SUPV3L1: variants seen among roughly 807,000 people sequenced by gnomAD.
SUPV3L1 encodes Suv3 like RNA helicase, also known as ATP-dependent RNA helicase SUPV3L1, mitochondrial.
In SUPV3L1, 35 loss-of-function variants were observed where a neutral mutation model predicts 70.0. That is an observed-to-expected ratio of 0.50 (90% CI 0.38 to 0.66). SUPV3L1 has a LOEUF of 0.66. Ranked by LOEUF, SUPV3L1 falls within the 30% of genes least tolerant of loss-of-function variation. SUPV3L1 has a pLI of 0.00. For missense variants in SUPV3L1, 777 were observed against 961.5 expected (o/e 0.81, Z 2.54); for synonymous variants, 364 against 341.9 (o/e 1.06, Z -0.71).
chr10:69,182,194 T>C (rs776332902), intron 1 of SUPV3L1, among the ~76,000 whole-genome samples: 12 of 152,048 alleles, frequency 7.9e-5, no homozygotes, highest in Non-Finnish European at 1.6e-4. Context: ...GGGGTCTTGC[T>C]ATGTTGCCCA....
chr10:69,181,412 T>C (rs1003487618), intron 1 of SUPV3L1, among the ~76,000 whole-genome samples: 6 of 152,208 alleles, frequency 3.9e-5, no homozygotes, highest in African/African-American at 1.2e-4. Context: ...ATCTAAAATA[T>C]AGACTACAAT....
At chr10:69,190,911 C>T (rs375812813) in intron 5 of SUPV3L1, among the ~76,000 whole-genome samples, 13 of 152,360 alleles carry the variant, frequency 8.5e-5, no homozygotes, top group African/African-American at 2.9e-4. Flanking sequence ...CTGGGGAACC[C>T]ATTAGTCCTA....
At chr10:69,207,637 T>G in intron 13 of SUPV3L1, 156 bp from the exon 14 acceptor site, 8 of 878,148 alleles carry the variant, frequency 9.1e-6, no homozygotes, top group Middle Eastern at 4.8e-4. Context: ...TAAATGTTCT[T>G]TAAAATGTAG....
Position 69,180,289 on chromosome 10 carries a change from T to A in SUPV3L1, c.-3T>A. 2 of 1,612,908 alleles carry A rather than the reference T, an allele frequency of 1.2e-6. No individual in the cohort carries two copies. The highest frequency in any genetic ancestry group is 1.1e-5 in the South Asian group (1 of 91,036). On this transcript the variant is annotated 5_prime_UTR_variant, in exon 1 of 15. Coordinates refer to ENST00000359655, the MANE Select transcript of SUPV3L1 (RefSeq NM_003171.5). ...GCCAGACAGTGTAGAACCTGCGGCC[T>A]CGATGTCCTTCTCCCGTGCCCTATT...
intron 10 of SUPV3L1, 145 bp downstream of exon 10, chr10:69,199,342 C>A: frequency 1.5e-6 from 1 of 655,564 alleles, no homozygotes; most frequent in East Asian, 2.8e-5. Flanking sequence ...GTTTGTCTTG[C>A]CTACACCTAT....
chr10:69,191,441 A>G (rs1197985884), intron 5 of SUPV3L1, among the ~76,000 whole-genome samples: 2 of 151,794 alleles, frequency 1.3e-5, no homozygotes, highest in Admixed American at 6.6e-5. Context: ...GTTGGCCAGG[A>G]TGGTCTCTAT....
At chr10:69,191,910 G>A (rs947939030) in intron 6 of SUPV3L1, 144 bp downstream of exon 6, 14 of 530,344 alleles carry the variant, frequency 2.6e-5, no homozygotes, top group Admixed American at 6.4e-5. Context: ...CAGTTCAAGC[G>A]ATTCTCCTGC....
intron 11 of SUPV3L1, among the ~76,000 whole-genome samples, chr10:69,201,142 A>G (rs143789540): frequency 2.2e-4 from 34 of 152,254 alleles, no homozygotes; most frequent in Non-Finnish European, 4.1e-4. Context: ...TGCTGGAATC[A>G]TTTCTGTAAC....
chr10:69,202,177 G>A (rs998386719), intron 11 of SUPV3L1, among the ~76,000 whole-genome samples: 1 of 152,034 alleles, frequency 6.6e-6, no homozygotes, highest in Admixed American at 6.6e-5. Context: ...ATCATCATAG[G>A]TTTTAGAAAT....
chr10:69,207,274 T>G (rs1717721265), intron 13 of SUPV3L1, among the ~76,000 whole-genome samples: 2 of 152,146 alleles, frequency 1.3e-5, no homozygotes. Flanking sequence ...CCCTTGAACT[T>G]CTGCTGCACA....
At chr10:69,188,806 G>A (rs1442624241) in intron 4 of SUPV3L1, among the ~76,000 whole-genome samples, 1 of 152,120 alleles carries the variant, frequency 6.6e-6, no homozygotes. Flanking sequence ...GCCTGTACTT[G>A]TTTTTAGTGG....
intron 11 of SUPV3L1, among the ~76,000 whole-genome samples, chr10:69,201,157 C>T (rs906218): frequency 0.76 from 115,297 of 151,992 alleles, 45,879 homozygotes; most frequent in Non-Finnish European, 0.89. Flanking sequence ...TGTAACTTCT[C>T]AGCAGTACAG....
intron 1 of SUPV3L1, among the ~76,000 whole-genome samples, chr10:69,184,892 C>G (rs749702129): frequency 1.3e-5 from 2 of 152,148 alleles, no homozygotes; most frequent in Non-Finnish European, 2.9e-5. Flanking sequence ...TGTGGCTTCT[C>G]CTCCTAGAAA....
chr10:69,204,206 G>A (rs904030811), intron 13 of SUPV3L1, among the ~76,000 whole-genome samples: 1 of 151,966 alleles, frequency 6.6e-6, no homozygotes, highest in African/African-American at 2.4e-5. Flanking sequence ...TGAGGGAAGC[G>A]GTTCAGAACT....
chr10:69,208,718 A>G lies in SUPV3L1; in HGVS notation c.2044A>G (p.Thr682Ala). ...NITKLIKMSE[T>A]HKLLNLEGFP... ...CACTAAATTGATTAAAATGTCTGAG[A>G]CGCATAAGCTGTTGAATTTGGAGGG... The change falls in exon 15 of 15, where the codon ACG becomes GCG. Residue 682 changes from threonine (T) to alanine (A), a missense_variant. Around this residue, in one of 2 missense-constraint regions of SUPV3L1, gnomAD observed 619 missense variants for 823.3 expected, o/e 0.75. Transcript: ENST00000359655. 6.2e-7 allele frequency: 1 copy of G among 1,614,214 alleles called. No homozygotes were observed. Among genetic ancestry groups the G allele is most frequent in the South Asian group, 1.1e-5 (1 of 91,084 alleles).
intron 11 of SUPV3L1, among the ~76,000 whole-genome samples, chr10:69,201,141 C>A (rs1842670085): frequency 6.6e-6 from 1 of 152,134 alleles, no homozygotes; most frequent in South Asian, 2.1e-4. Flanking sequence ...GTGCTGGAAT[C>A]ATTTCTGTAA....
In SUPV3L1 at chr10:69,187,776, G is replaced by A; in HGVS notation, c.572+20G>A. On this transcript the variant is annotated intron_variant, in intron 4 of 14. Transcript: ENST00000359655. ...TAACTGGTTAGTTTCTCCATTTGTG[G>A]ATTTGAAATTTTCAGTTTCTAATCT... 1 of 1,505,122 alleles carries A rather than the reference G, an allele frequency of 6.6e-7. No individual in the cohort carries two copies. The highest frequency in any genetic ancestry group is 9.0e-7 in the Non-Finnish European group (1 of 1,105,968). 93.2% of individuals were successfully genotyped at this position (1,505,122 alleles called of 1,614,324 possible). A position where few individuals can be genotyped will look rare whatever the true frequency, so the allele number is the denominator to read the frequency against.
chr10:69,181,463 G>A (rs1259082917), intron 1 of SUPV3L1, among the ~76,000 whole-genome samples: 1 of 152,188 alleles, frequency 6.6e-6, no homozygotes, highest in Non-Finnish European at 1.5e-5. Flanking sequence ...CACTAAACAT[G>A]TGATGGAACT....
At chr10:69,182,352 C>T (rs993937116) in intron 1 of SUPV3L1, among the ~76,000 whole-genome samples, 3 of 151,870 alleles carry the variant, frequency 2.0e-5, no homozygotes, top group Admixed American at 1.3e-4. Context: ...GACATTGTCG[C>T]GAAATAGATG....
Sources: gnomAD v4.1 joint callset for allele counts (sites outside exome capture counted in the v4.1 genomes callset) on GRCh38, gnomAD v4.1.1 for gene constraint, gnomAD v4.1.1 regional missense constraint, MANE v1.5 for transcripts, NCBI Gene and HGNC (gene_info 2026-07-23, HGNC 2026-07-21) for gene names.